The following GMDS variants were observed in gnomAD, a reference collection of about 807,000 sequenced individuals.
GMDS encodes the protein GDP-mannose 4,6-dehydratase.
Under a neutral mutation model 49.9 loss-of-function variants are expected in GMDS, and 20 were observed. That is an observed-to-expected ratio of 0.40 (90% confidence interval 0.28 to 0.58). The LOEUF (loss-of-function observed/expected upper bound fraction) is 0.58, where lower values mean the gene tolerates loss of function less well. GMDS is among the 20% of genes least tolerant of loss of function. GMDS has a pLI of 0.42. For synonymous variants in GMDS, 177 were observed against 178.6 expected (o/e 0.99, Z 0.07); for missense variants, 362 against 481.4 (o/e 0.75, Z 2.32).
chr6:1,737,654 CA>C (rs1254141110), intron 8 of GMDS, among the ~76,000 whole-genome samples: 2 of 145,970 alleles, frequency 1.4e-5, no homozygotes, highest in Non-Finnish European at 3.0e-5. Context: ...CATACACATA[CA>C]CACACCACAC....
intron 1 of GMDS, among the ~76,000 whole-genome samples, chr6:2,243,162 G>T (rs1781695837): frequency 6.6e-6 from 1 of 152,208 alleles, no homozygotes; most frequent in African/African-American, 2.4e-5. Flanking sequence ...AGCCATGCAG[G>T]TGTTTTAAGT....
intron 9 of GMDS, among the ~76,000 whole-genome samples, chr6:1,659,249 A>G (rs988830781): frequency 4.0e-5 from 6 of 150,748 alleles, no homozygotes; most frequent in Non-Finnish European, 8.8e-5. Flanking sequence ...CATGTTTTAC[A>G]TATCATAAAA....
chr6:2,107,909 T>C (rs1383607176), intron 4 of GMDS, among the ~76,000 whole-genome samples: 1 of 152,250 alleles, frequency 6.6e-6, no homozygotes, highest in African/African-American at 2.4e-5. Context: ...ATTCTGCTCA[T>C]AAGGAATCTT....
intron 1 of GMDS, among the ~76,000 whole-genome samples, chr6:2,230,904 T>C (rs1192682112): frequency 1.4e-5 from 2 of 144,842 alleles, no homozygotes; most frequent in African/African-American, 2.6e-5. Context: ...CCTTGAGAAA[T>C]TCACTTAATG....
At chr6:1,752,252 T>C (rs896315464) in intron 7 of GMDS, among the ~76,000 whole-genome samples, 2 of 152,104 alleles carry the variant, frequency 1.3e-5, no homozygotes, top group African/African-American at 4.8e-5. Flanking sequence ...CAAGTATCAA[T>C]AGCCAAATCA....
chr6:1,657,371 T>C (rs1032198638), intron 9 of GMDS, among the ~76,000 whole-genome samples: 1 of 152,116 alleles, frequency 6.6e-6, no homozygotes, highest in Admixed American at 6.5e-5. Flanking sequence ...GGTGCTGAAA[T>C]GAGAGAGGCT....
At chr6:2,176,125 G>C (rs935267626) in intron 1 of GMDS, 41 of 632,110 alleles carry the variant, frequency 6.5e-5, no homozygotes, top group Non-Finnish European at 1.0e-4. Flanking sequence ...TCTACAACCA[G>C]GGATGACTGC....
chr6:1,851,850 A>G (rs1179353710), intron 7 of GMDS, among the ~76,000 whole-genome samples: 8 of 152,168 alleles, frequency 5.3e-5, no homozygotes. Context: ...TGTGGAGATG[A>G]ACACTTTCCA....
chr6:2,015,141 A>C (rs1477016917), intron 4 of GMDS, among the ~76,000 whole-genome samples: 1 of 152,154 alleles, frequency 6.6e-6, no homozygotes, highest in South Asian at 2.1e-4. Flanking sequence ...AGTAATTCAC[A>C]GATCCAACTG....
intron 1 of GMDS, among the ~76,000 whole-genome samples, chr6:2,133,268 A>G (rs1404105183): frequency 6.6e-6 from 1 of 152,248 alleles, no homozygotes; most frequent in Non-Finnish European, 1.5e-5. Context: ...TTGATTTATT[A>G]ATGTTTCCTT....
chr6:1,646,634 T>G (rs1241408693), intron 9 of GMDS, among the ~76,000 whole-genome samples: 1 of 152,302 alleles, frequency 6.6e-6, no homozygotes, highest in Middle Eastern at 3.4e-3. Context: ...TCCACCCACT[T>G]TGGCCTCCCA....
At chr6:2,233,238 T>C (rs1177746186) in intron 1 of GMDS, among the ~76,000 whole-genome samples, 1 of 152,164 alleles carries the variant, frequency 6.6e-6, no homozygotes, top group African/African-American at 2.4e-5. Context: ...CTAGCTTCCT[T>C]CTCTTCCAAG....
intron 4 of GMDS, among the ~76,000 whole-genome samples, chr6:1,965,766 G>A (rs1010686625): frequency 2.0e-5 from 3 of 152,214 alleles, no homozygotes; most frequent in Non-Finnish European, 4.4e-5. Flanking sequence ...CCAGGAGGTT[G>A]AGGCTCCAGT....
chr6:1,973,730 A>C lies in GMDS; in HGVS notation c.346-12764T>G, dbSNP rs183397132. Among the ~76,000 whole-genome samples, 210 of 152,340 alleles carry C rather than the reference A, an allele frequency of 1.4e-3. 1 individual carries two copies. The highest frequency in any genetic ancestry group is 4.9e-3 in the African/African-American group (203 of 41,590). On this transcript the variant is annotated intron_variant, in intron 4 of 10. Transcript: ENST00000380815. The stretch of plus-strand genomic sequence containing the variant: ...TAAAATGGTCACTACTATAACATTA[A>C]AGTAGGAAGAGAGCAATAACCTTGG...
intron 7 of GMDS, among the ~76,000 whole-genome samples, chr6:1,913,548 T>C (rs1165028454): frequency 3.3e-5 from 5 of 152,214 alleles, no homozygotes; most frequent in African/African-American, 1.2e-4. Flanking sequence ...AGGGTGTGAT[T>C]TGTTTTAAAA....
intron 6 of GMDS, among the ~76,000 whole-genome samples, chr6:1,952,896 C>A (rs1347606800): frequency 1.3e-5 from 2 of 152,236 alleles, no homozygotes; most frequent in East Asian, 3.9e-4. Flanking sequence ...CTAAAGGTAT[C>A]CAGGGATGAA....
intron 1 of GMDS, among the ~76,000 whole-genome samples, chr6:2,166,789 C>T (rs1777692107): frequency 1.3e-5 from 2 of 152,212 alleles, no homozygotes; most frequent in South Asian, 4.1e-4. Flanking sequence ...GTGGCCAATG[C>T]TAATTGTTCT....
At chr6:1,713,444 C>T (rs756152944) in intron 9 of GMDS, among the ~76,000 whole-genome samples, 20 of 152,376 alleles carry the variant, frequency 1.3e-4, no homozygotes, top group East Asian at 7.7e-4. Context: ...TCTGCGTCTC[C>T]GCCCCGTGGC....
intron 7 of GMDS, among the ~76,000 whole-genome samples, chr6:1,927,578 C>T (rs906482931): frequency 1.3e-5 from 2 of 152,200 alleles, no homozygotes; most frequent in African/African-American, 2.4e-5. Context: ...TTATTTTATG[C>T]TAATTCAAAC....
Sources: allele counts gnomAD v4.1 joint callset (sites outside exome capture counted in the v4.1 genomes callset), GRCh38; gene constraint gnomAD v4.1.1; transcripts MANE v1.5; gene names NCBI Gene and HGNC (gene_info 2026-07-23, HGNC 2026-07-21).